The following CNOT4 variants were observed in gnomAD, a reference collection of about 807,000 sequenced individuals.
CNOT4 encodes the protein CCR4-NOT transcription complex subunit 4.
CNOT4 carries 8 observed loss-of-function variants against 73.8 expected under a neutral mutation model. That is an observed-to-expected ratio of 0.11 (90% CI 0.06 to 0.20). The LOEUF (loss-of-function observed/expected upper bound fraction) is 0.20, where lower values mean the gene tolerates loss of function less well. CNOT4 is among the 10% of genes least tolerant of loss of function. The pLI, the probability that CNOT4 is intolerant of heterozygous loss-of-function variation, is 1.00. For synonymous variants in CNOT4, 293 were observed against 321.1 expected (o/e 0.91, Z 0.94); for missense variants, 564 against 883.4 (o/e 0.64, Z 4.58).
chr7:135,419,980 G>T (rs969995501), intron 3 of CNOT4, among the ~76,000 whole-genome samples: 2 of 152,070 alleles, frequency 1.3e-5, no homozygotes, highest in South Asian at 2.1e-4. Context: ...TTGAACCCAG[G>T]GGGTGGAGGC....
At chr7:135,480,335 C>A (rs1035736834) in intron 1 of CNOT4, among the ~76,000 whole-genome samples, 2 of 152,192 alleles carry the variant, frequency 1.3e-5, no homozygotes, top group Non-Finnish European at 2.9e-5. Flanking sequence ...GTCATTAAAT[C>A]TCACTTATTT....
intron 10 of CNOT4, among the ~76,000 whole-genome samples, chr7:135,390,720 C>T (rs1796356845): frequency 6.6e-6 from 1 of 151,976 alleles, no homozygotes; most frequent in Admixed American, 6.6e-5. Context: ...ACTGAACAAA[C>T]CAAAAATAAA....
intron 1 of CNOT4, among the ~76,000 whole-genome samples, chr7:135,495,789 G>A (rs1803532285): frequency 6.6e-6 from 1 of 150,536 alleles, no homozygotes; most frequent in African/African-American, 2.4e-5. Flanking sequence ...AGGGCTGGGT[G>A]GGAGCAATAG....
rs767111438 is a variant in CNOT4, at chr7:135,394,432, T to C, written c.1130-17A>G. On this transcript the variant is annotated splice_polypyrimidine_tract_variant and intron_variant, in intron 9 of 11. Coordinates refer to ENST00000541284, the MANE Select transcript of CNOT4 (RefSeq NM_001190850.2). ...GGATTGTTTCTGTTGGGAAGAAAAA[T>C]AGTGATGAATATCAGATACATAGCT... The C allele has an allele frequency of 6.4e-7, 1 of 1,569,706 alleles. No individual in the cohort carries two copies. Among genetic ancestry groups the C allele is most frequent in the Non-Finnish European group, 8.7e-7 (1 of 1,152,622 alleles).
intron 1 of CNOT4, among the ~76,000 whole-genome samples, chr7:135,495,860 G>A (rs1028643416): frequency 6.6e-6 from 1 of 151,396 alleles, no homozygotes; most frequent in Non-Finnish European, 1.5e-5. Context: ...CTTGAGCCCA[G>A]GAGTTCAAGG....
At chr7:135,502,782 C>T (rs535397784) in intron 1 of CNOT4, among the ~76,000 whole-genome samples, 1 of 145,906 alleles carries the variant, frequency 6.9e-6, no homozygotes, top group South Asian at 2.2e-4. Context: ...TACCACTGCA[C>T]TCCAGCCTGA....
At chr7:135,418,362 T>A (rs73725124) in intron 3 of CNOT4, among the ~76,000 whole-genome samples, 24 of 152,332 alleles carry the variant, frequency 1.6e-4, no homozygotes, top group African/African-American at 5.1e-4. Flanking sequence ...AATATCACGA[T>A]GTCCTTCACA....
rs869094074 is a variant in CNOT4 at position 135,504,484 on chromosome 7, T to TAA, written c.-93+5404_-93+5405insTT. 2.7e-4 allele frequency among the ~76,000 whole-genome samples: 18 copies of TAA among 67,064 alleles called. 1 individual carries two copies. Among genetic ancestry groups the TAA allele is most frequent in the Admixed American group, 9.8e-4 (6 of 6,146 alleles). The allele number at this position is 67,064 out of a possible 152,430, so 44.0% of individuals were successfully genotyped here. A position where few individuals can be genotyped will look rare whatever the true frequency, so the allele number is the denominator to read the frequency against. On this transcript the variant is annotated intron_variant, in intron 1 of 11. Transcript: ENST00000541284. ...CTAATTTTTTTTTTTTTTTTTTTTT[T>TAA]TTTTTATTTTTATTTTTTTTGAGAC...
chr7:135,371,951 A>T (rs1795226252), intron 10 of CNOT4, among the ~76,000 whole-genome samples: 1 of 152,180 alleles, frequency 6.6e-6, no homozygotes, highest in Non-Finnish European at 1.5e-5. Context: ...AGTGAGCACA[A>T]AACTGAGCAG....
At chr7:135,426,879 C>T (rs964994688) in intron 2 of CNOT4, among the ~76,000 whole-genome samples, 2 of 148,768 alleles carry the variant, frequency 1.3e-5, no homozygotes, top group Admixed American at 6.7e-5. Context: ...GTGGAGATCA[C>T]GCCACTGTAC....
chr7:135,433,759 G>A (rs565164555), intron 2 of CNOT4, among the ~76,000 whole-genome samples: 1 of 152,208 alleles, frequency 6.6e-6, no homozygotes, highest in East Asian at 1.9e-4. Flanking sequence ...TATAGTCTCT[G>A]GTTTCCATGG....
chr7:135,398,131 T>C (rs756215366), intron 8 of CNOT4, 38 bp downstream of exon 8: 7 of 1,129,158 alleles, frequency 6.2e-6, no homozygotes, highest in Middle Eastern at 3.9e-4. Flanking sequence ...TTTCGGAGTA[T>C]GGCAAATAAA....
intron 10 of CNOT4, chr7:135,387,986 A>G (rs971748520): frequency 1.0e-6 from 1 of 982,264 alleles, no homozygotes; most frequent in Non-Finnish European, 1.2e-6. Context: ...CTGTTTGTTC[A>G]GTAACAATGT....
chr7:135,454,897 A>G (rs1217876666), intron 1 of CNOT4, among the ~76,000 whole-genome samples: 1 of 152,202 alleles, frequency 6.6e-6, no homozygotes, highest in Non-Finnish European at 1.5e-5. Context: ...AAAATAAAAT[A>G]GAACAAAACA....
At chr7:135,462,190 G>T (rs987313191) in intron 1 of CNOT4, among the ~76,000 whole-genome samples, 4 of 151,760 alleles carry the variant, frequency 2.6e-5, no homozygotes, top group Non-Finnish European at 4.4e-5. Context: ...GACTAACAGA[G>T]AATTCTACAA....
intron 3 of CNOT4, among the ~76,000 whole-genome samples, chr7:135,418,799 T>C (rs1798014723): frequency 6.6e-6 from 1 of 152,224 alleles, no homozygotes; most frequent in African/African-American, 2.4e-5. Flanking sequence ...AAGCTGACCC[T>C]AATTATCCTT....
chr7:135,425,062 A>T (rs1009620463), intron 2 of CNOT4, among the ~76,000 whole-genome samples: 7 of 152,246 alleles, frequency 4.6e-5, no homozygotes, highest in East Asian at 3.8e-4. Flanking sequence ...ACTCTGCAGA[A>T]TAAGATATTT....
intron 1 of CNOT4, chr7:135,444,726 G>C: frequency 7.5e-7 from 1 of 1,333,222 alleles, no homozygotes; most frequent in Non-Finnish European, 1.1e-6. Flanking sequence ...CTCTGCGATG[G>C]GCTATTCCCT....
At chr7:135,485,220 G>A (rs777898001) in intron 1 of CNOT4, among the ~76,000 whole-genome samples, 8 of 152,006 alleles carry the variant, frequency 5.3e-5, no homozygotes, top group Non-Finnish European at 8.8e-5. Flanking sequence ...TTACAGGTGC[G>A]TGCCGCCACA....
Sources: gnomAD v4.1 joint callset for allele counts (sites outside exome capture counted in the v4.1 genomes callset) on GRCh38, gnomAD v4.1.1 for gene constraint, MANE v1.5 for transcripts, NCBI Gene and HGNC (gene_info 2026-07-23, HGNC 2026-07-21) for gene names.